MAN1C1: variants seen among roughly 807,000 people sequenced by gnomAD.
The protein encoded by MAN1C1 is mannosidase alpha class 1C member 1.
A neutral mutation model predicts 71.5 loss-of-function variants in MAN1C1; 49 were observed. The ratio of observed to expected loss-of-function variants is 0.69; its 90% CI spans 0.54 to 0.87. The LOEUF is 0.87. Ranked by LOEUF, MAN1C1 falls within the 40% of genes least tolerant of loss-of-function variation. The pLI is 0.00. For synonymous variants in MAN1C1, 352 were observed against 343.7 expected, an observed-to-expected ratio of 1.02 and a Z score of -0.27; for missense variants, 743 against 835.0, an observed-to-expected ratio of 0.89 and a Z score of 1.36.
chr1:25,665,603 G>C (rs1235340491), intron 1 of MAN1C1, among the ~76,000 whole-genome samples: 1 of 152,128 alleles, frequency 6.6e-6, no homozygotes, highest in African/African-American at 2.4e-5. Flanking sequence ...CGAGACATGA[G>C]AAGTTGGGAG....
intron 2 of MAN1C1, among the ~76,000 whole-genome samples, chr1:25,740,577 T>C (rs561848638): frequency 1.1e-3 from 167 of 152,110 alleles, no homozygotes; most frequent in African/African-American, 3.7e-3. Flanking sequence ...GCTGGGACTA[T>C]AGGCGCCCGC....
intron 2 of MAN1C1, among the ~76,000 whole-genome samples, chr1:25,727,687 CT>C (rs1292161312): frequency 1.3e-5 from 2 of 152,254 alleles, no homozygotes; most frequent in African/African-American, 4.8e-5. Context: ...CCCTGTCCCC[CT>C]GTGGGGTCTC....
chr1:25,783,452 A>T (rs1572218663), intron 11 of MAN1C1, among the ~76,000 whole-genome samples: 1 of 151,944 alleles, frequency 6.6e-6, no homozygotes, highest in African/African-American at 2.4e-5. Context: ...AGTCCTTCTG[A>T]CCCCAAAGCT....
At chr1:25,698,059 T>C (rs1022747535) in intron 2 of MAN1C1, among the ~76,000 whole-genome samples, 2 of 152,150 alleles carry the variant, frequency 1.3e-5, no homozygotes, top group African/African-American at 2.4e-5. Context: ...TACGGGTGAT[T>C]TGGGGCTCCC....
intron 1 of MAN1C1, among the ~76,000 whole-genome samples, chr1:25,653,426 C>A (rs1267587533): frequency 1.3e-5 from 2 of 152,142 alleles, no homozygotes; most frequent in Non-Finnish European, 2.9e-5. Flanking sequence ...ACTGCTGGTC[C>A]CTTATTAGGG....
chr1:25,751,456 C>T (rs1455635361), intron 4 of MAN1C1, among the ~76,000 whole-genome samples: 3 of 152,186 alleles, frequency 2.0e-5, no homozygotes, highest in African/African-American at 7.2e-5. Flanking sequence ...TAGAAGGCAC[C>T]AGCAACCCAG....
intron 1 of MAN1C1, among the ~76,000 whole-genome samples, chr1:25,674,421 A>G (rs1365187212): frequency 6.6e-6 from 1 of 152,228 alleles, no homozygotes; most frequent in Non-Finnish European, 1.5e-5. Flanking sequence ...GTAATGAGCA[A>G]TGGAGCCAAC....
In MAN1C1 at chr1:25,781,718, T is replaced by C. The variant is rs1207278040; in HGVS notation, c.1650+606T>C. On this transcript the variant is annotated intron_variant, in intron 10 of 11. Transcript: ENST00000374332. Reference sequence around the variant, plus strand: ...TCTCCCCCACCACCCCCGTGCCCATTCCGAGCATTGCACTCAGACGGGGTC... The same window carrying C: ...TCTCCCCCACCACCCCCGTGCCCATCCCGAGCATTGCACTCAGACGGGGTC... Among the ~76,000 whole-genome samples, 4 of 151,928 alleles carry C rather than the reference T, an allele frequency of 2.6e-5. No homozygotes were observed. In the East Asian group the frequency reaches 7.7e-4, roughly 29 times the overall value.
chr1:25,750,897 CG>C (rs2047204945), intron 4 of MAN1C1, among the ~76,000 whole-genome samples: 2 of 152,160 alleles, frequency 1.3e-5, no homozygotes, highest in African/African-American at 4.8e-5. Flanking sequence ...TCAGGGCTCT[CG>C]GGGCGGTTTG....
At position 25,782,889 on chromosome 1, in the gene MAN1C1, G is replaced by A. The variant is rs1265995058; in HGVS notation, c.1766+189G>A. Among the ~76,000 whole-genome samples, 1 of 152,208 alleles carries A rather than the reference G, an allele frequency of 6.6e-6. No individual in the cohort carries two copies. Among genetic ancestry groups the A allele is most frequent in the Non-Finnish European group, 1.5e-5 (1 of 68,036 alleles). ...GCCAGGCCGCTTTCTCGGAGAGTGAGACTGGGCTAGAATCCAAGTTCCCTA... is the reference window on the plus strand; with the variant it reads ...GCCAGGCCGCTTTCTCGGAGAGTGAAACTGGGCTAGAATCCAAGTTCCCTA... On this transcript the variant is annotated intron_variant, in intron 11 of 11. Coordinates refer to ENST00000374332, the MANE Select transcript of MAN1C1 (RefSeq NM_020379.4). This position sits in a 1 kb window ranked among gnomAD's most constrained non-coding sequence, Gnocchi z 4.4.
intron 2 of MAN1C1, among the ~76,000 whole-genome samples, chr1:25,688,589 C>T (rs2046265777): frequency 6.6e-6 from 1 of 152,220 alleles, no homozygotes; most frequent in Admixed American, 6.5e-5. Context: ...ACCCTCTGGC[C>T]CCTTTCCAGT....
Position 25,656,911 on chromosome 1 carries a change from C to T in MAN1C1, c.541-29529C>T, listed in dbSNP as rs1056635207. On this transcript the variant is annotated intron_variant, in intron 1 of 11. Coordinates refer to ENST00000374332, the MANE Select transcript of MAN1C1 (RefSeq NM_020379.4). ...CGCGATCTTGACTCACTTCAAGCTC[C>T]GCCTCCTGGGTTCACACCGTTCTCC... 1.7e-4 allele frequency among the ~76,000 whole-genome samples: 26 copies of T among 151,930 alleles called. 1 individual carries two copies. Among genetic ancestry groups the T allele is most frequent in the African/African-American group, 4.6e-4 (19 of 41,362 alleles).
At chr1:25,715,469 A>T (rs1362580962) in intron 2 of MAN1C1, among the ~76,000 whole-genome samples, 1 of 152,098 alleles carries the variant, frequency 6.6e-6, no homozygotes, top group East Asian at 1.9e-4. Flanking sequence ...TCAGCCTTTC[A>T]CTCCTTCTCT....
intron 5 of MAN1C1, among the ~76,000 whole-genome samples, chr1:25,755,490 C>A (rs1432191808): frequency 6.6e-6 from 1 of 152,256 alleles, no homozygotes; most frequent in East Asian, 1.9e-4. Flanking sequence ...TTTACACATG[C>A]ATGCTCCCGC....
At chr1:25,742,194 A>G (rs766600928) in intron 2 of MAN1C1, among the ~76,000 whole-genome samples, 14 of 152,316 alleles carry the variant, frequency 9.2e-5, no homozygotes, top group South Asian at 2.1e-4. Context: ...AGAGAAGACC[A>G]CACTTGCCAA....
intron 1 of MAN1C1, chr1:25,644,497 C>CATGTATATATATATATATATATATAT (rs1553182563): frequency 2.5e-5 from 2 of 80,140 alleles, no homozygotes; most frequent in African/African-American, 1.8e-4. Context: ...GTACCAGAGA[C>CATGTATATATATATATATATATATAT]ATATATATAT....
At position 25,779,170 on chromosome 1, in the gene MAN1C1, C is replaced by A. The variant is rs1011127912; in HGVS notation, c.1477+846C>A. ...ACGACCCAAGATTTGCAGTAAAAAT[C>A]CCAGGCTCAAGCAGCGCTTGACAAA... On this transcript the variant is annotated intron_variant, in intron 9 of 11. Coordinates refer to ENST00000374332, the MANE Select transcript of MAN1C1 (RefSeq NM_020379.4). The surrounding 1 kb of genome is among the most constrained non-coding windows in gnomAD (Gnocchi z 4.6). Among the ~76,000 whole-genome samples, 3 of 152,154 alleles carry A rather than the reference C, an allele frequency of 2.0e-5. No homozygotes were observed. Among genetic ancestry groups the A allele is most frequent in the African/African-American group, 7.2e-5 (3 of 41,450 alleles).
chr1:25,725,367 A>G lies in MAN1C1; in HGVS notation c.638-21301A>G, dbSNP rs1034326469. Among the ~76,000 whole-genome samples the G allele has an allele frequency of 2.0e-5, 3 of 152,192 alleles. No individual in the cohort carries two copies. The highest frequency in any genetic ancestry group is 6.5e-5 in the Admixed American group (1 of 15,286). ...CTCGAAAGAGTTCTCTTCTTAGAGG[A>G]GGGATTCACACGTAATTATGTGGTC... On this transcript the variant is annotated intron_variant, in intron 2 of 11. Transcript: ENST00000374332. The surrounding 1 kb of genome is among the most constrained non-coding windows in gnomAD (Gnocchi z 4.8).
chr1:25,726,904 A>AG (rs1489471610), intron 2 of MAN1C1, among the ~76,000 whole-genome samples: 2 of 151,564 alleles, frequency 1.3e-5, no homozygotes, highest in Non-Finnish European at 2.9e-5. Flanking sequence ...AAAAAAAAAA[A>AG]AAAAAAGCCA....
Sources: gnomAD v4.1 joint callset for allele counts (sites outside exome capture counted in the v4.1 genomes callset) on GRCh38, gnomAD v4.1.1 for gene constraint, Gnocchi (gnomAD v3.1) non-coding constraint, MANE v1.5 for transcripts, NCBI Gene and HGNC (gene_info 2026-07-23, HGNC 2026-07-21) for gene names.